The following CAST variants were observed in gnomAD, a reference collection of about 807,000 sequenced individuals.
CAST encodes MIR583 host.
In CAST, 76 loss-of-function variants were observed where a neutral mutation model predicts 119.6. That is an observed-to-expected ratio of 0.64 (90% CI 0.53 to 0.77). The LOEUF is 0.77. Ranked by LOEUF, CAST falls within the 30% of genes least tolerant of loss-of-function variation. The probability of loss-of-function intolerance (pLI) is 0.00; values close to 1 mark genes in which losing one functional copy is unlikely to be tolerated. For missense variants in CAST, 953 were observed against 946.5 expected, an observed-to-expected ratio of 1.01 and a Z score of -0.09; for synonymous variants, 319 against 331.6, an observed-to-expected ratio of 0.96 and a Z score of 0.41.
At chr5:96,038,574 A>C in the CAST span, among the ~76,000 whole-genome samples, 7 of 120,206 alleles carry the variant, frequency 5.8e-5, no homozygotes, top group African/African-American at 2.3e-4. Context: ...CCCTGTGTCC[A>C]TGTGTTCTCA....
the CAST span, among the ~76,000 whole-genome samples, chr5:96,316,183 C>T: frequency 3.3e-5 from 5 of 152,202 alleles, no homozygotes; most frequent in African/African-American, 1.2e-4. Flanking sequence ...TCCCTGACCA[C>T]ATGGTGACTT....
chr5:96,131,879 G>A, the CAST span, among the ~76,000 whole-genome samples: 4 of 152,162 alleles, frequency 2.6e-5, no homozygotes, highest in East Asian at 5.8e-4. Context: ...CGATTCAGGT[G>A]ATGTTGGCAG....
At chr5:96,106,874 C>G in the CAST span, among the ~76,000 whole-genome samples, 1 of 134,020 alleles carries the variant, frequency 7.5e-6, no homozygotes, top group Non-Finnish European at 1.6e-5. Context: ...CTTTGTAGGT[C>G]ACTCAGGACT....
the CAST span, among the ~76,000 whole-genome samples, chr5:96,184,848 T>C: frequency 2.0e-5 from 3 of 152,346 alleles, no homozygotes; most frequent in East Asian, 5.8e-4. Context: ...CAGAATGATA[T>C]ATATTCTTTT....
At chr5:96,425,746 C>G in the CAST span, 123 of 802,766 alleles carry the variant, frequency 1.5e-4, 1 homozygote, top group Non-Finnish European at 2.0e-4. Flanking sequence ...AAAAAAAATC[C>G]ATGTTGCAAA....
Position 96,635,419 on chromosome 5 carries a change from G to A in CAST, c.61-40120G>A, listed in dbSNP as rs909383514. Among the ~76,000 whole-genome samples, 7 of 152,122 alleles carry A rather than the reference G, an allele frequency of 4.6e-5. No homozygotes were observed. In the South Asian group the frequency reaches 6.2e-4, roughly 14 times the overall value. Reference sequence around the variant, plus strand: ...TCCTCTCCTAATTGATTGGGAATTCGGGATGTTTCATATAATCAAGAGGTT... The same window carrying A: ...TCCTCTCCTAATTGATTGGGAATTCAGGATGTTTCATATAATCAAGAGGTT... On this transcript the variant is annotated intron_variant, in intron 1 of 11. Transcript: ENST00000505143.
At chr5:96,515,660 C>G in the CAST span, among the ~76,000 whole-genome samples, 1 of 152,120 alleles carries the variant, frequency 6.6e-6, no homozygotes, top group Non-Finnish European at 1.5e-5. Flanking sequence ...TTCCCAGGCT[C>G]CCTTGCCTTC....
At chr5:96,330,750 C>A in the CAST span, among the ~76,000 whole-genome samples, 1 of 152,090 alleles carries the variant, frequency 6.6e-6, no homozygotes, top group African/African-American at 2.4e-5. Flanking sequence ...TCCAAGAATT[C>A]TTTCATGATT....
At chr5:96,159,759 A>T in the CAST span, among the ~76,000 whole-genome samples, 3 of 151,806 alleles carry the variant, frequency 2.0e-5, no homozygotes, top group Non-Finnish European at 4.4e-5. Context: ...TTTTATTTTT[A>T]TTTTTTGCTT....
In CAST at chr5:96,653,742, T is replaced by C. The variant is rs183254446; in HGVS notation, c.61-21797T>C. 5.7e-3 allele frequency among the ~76,000 whole-genome samples: 869 copies of C among 152,276 alleles called. 11 individuals are homozygous for C. Among genetic ancestry groups the C allele is most frequent in the South Asian group, 0.019 (94 of 4,828 alleles). ...CGAAGGAATATTTCATTTTGGCTTC[T>C]TTAGAAAGAAAAGAAAAAAGAATTT... On this transcript the variant is annotated intron_variant, in intron 1 of 11. Transcript: ENST00000505143.
chr5:96,763,152 T>C (rs759703583), intron 25 of CAST: 4 of 780,478 alleles, frequency 5.1e-6, no homozygotes, highest in South Asian at 4.0e-5. Context: ...CCGTTTGATG[T>C]AGCATCAAAG....
the CAST span, among the ~76,000 whole-genome samples, chr5:96,011,830 T>C: frequency 8.5e-5 from 13 of 152,182 alleles, no homozygotes; most frequent in Non-Finnish European, 1.6e-4. Context: ...ATAATGCTTG[T>C]TATGGGAAAG....
At chr5:96,415,881 G>T in the CAST span, 1 of 656,202 alleles carries the variant, frequency 1.5e-6, no homozygotes, top group East Asian at 2.8e-5. Context: ...TTGACTCGCT[G>T]GCAAATCATA....
chr5:96,321,093 TA>T, the CAST span, among the ~76,000 whole-genome samples: 1 of 152,342 alleles, frequency 6.6e-6, no homozygotes, highest in South Asian at 2.1e-4. Context: ...CCAGGTTACC[TA>T]CCTGTTTCAT....
At chr5:96,159,770 T>C in the CAST span, among the ~76,000 whole-genome samples, 1 of 152,190 alleles carries the variant, frequency 6.6e-6, no homozygotes, top group South Asian at 2.1e-4. Context: ...TTTTTTGCTT[T>C]TTGAATGGAG....
chr5:96,229,289 T>C, the CAST span, among the ~76,000 whole-genome samples: 1 of 151,228 alleles, frequency 6.6e-6, no homozygotes, highest in African/African-American at 2.4e-5. Context: ...TTGCTCCTTC[T>C]CCTTAGAAGA....
the CAST span, among the ~76,000 whole-genome samples, chr5:96,277,319 A>C: frequency 0.75 from 113,994 of 151,854 alleles, 42,981 homozygotes; most frequent in East Asian, 0.84. Context: ...TCTAAATTCC[A>C]TTTCCCCACT....
chr5:96,767,043 C>A (rs1307834294), intron 27 of CAST, among the ~76,000 whole-genome samples: 1 of 152,158 alleles, frequency 6.6e-6, no homozygotes, highest in Non-Finnish European at 1.5e-5. Context: ...ATTTAAGGCC[C>A]TTGCCTTTGA....
the CAST span, among the ~76,000 whole-genome samples, chr5:96,243,788 G>C: frequency 1.3e-5 from 2 of 152,048 alleles, no homozygotes; most frequent in Non-Finnish European, 1.5e-5. Flanking sequence ...CCTACTTTGG[G>C]TAAAACTACC....
Sources: gnomAD v4.1 joint callset for allele counts (sites outside exome capture counted in the v4.1 genomes callset) on GRCh38, gnomAD v4.1.1 for gene constraint, MANE v1.5 for transcripts, NCBI Gene and HGNC (gene_info 2026-07-23, HGNC 2026-07-21) for gene names.